SLCO2A1: variants seen among roughly 807,000 people sequenced by gnomAD.
The protein encoded by SLCO2A1 is solute carrier organic anion transporter family member 2A1, also known as matrin F/G 1.
SLCO2A1 carries 60 observed loss-of-function variants against 71.7 expected under a neutral mutation model. That is an observed-to-expected ratio of 0.84 (90% CI 0.68 to 1.04). The LOEUF (loss-of-function observed/expected upper bound fraction) is 1.04. SLCO2A1 is among the 50% of genes least tolerant of loss of function. The pLI, the probability that SLCO2A1 is intolerant of heterozygous loss-of-function variation, is 0.00. For synonymous variants in SLCO2A1, 308 were observed against 326.7 expected, an observed-to-expected ratio of 0.94 and a Z score of 0.62; for missense variants, 745 against 813.4, an observed-to-expected ratio of 0.92 and a Z score of 1.02.
At position 133,933,064 on chromosome 3, in the gene SLCO2A1, G is replaced by A. The variant is rs926271510; in HGVS notation, c.*1649C>T. The A allele has an allele frequency of 5.2e-5, 8 of 152,424 alleles. No homozygotes were observed. The highest frequency in any genetic ancestry group is 1.9e-4 in the African/African-American group (8 of 41,402). 9.4% of individuals were successfully genotyped at this position (152,424 alleles called of 1,614,324 possible). A position where few individuals can be genotyped will look rare whatever the true frequency, so the allele number is the denominator to read the frequency against. Reference sequence around the variant, plus strand: ...TTTGGACATTGACATAAATATTTTGGCATATCACCATATGAGGCTTTTCCA... The same window carrying A: ...TTTGGACATTGACATAAATATTTTGACATATCACCATATGAGGCTTTTCCA... On this transcript the variant is annotated 3_prime_UTR_variant, in exon 14 of 14. Coordinates refer to ENST00000310926, the MANE Select transcript of SLCO2A1 (RefSeq NM_005630.3).
chr3:133,961,843 C>A (rs934533369), intron 3 of SLCO2A1, among the ~76,000 whole-genome samples: 2 of 152,184 alleles, frequency 1.3e-5, no homozygotes, highest in African/African-American at 4.8e-5. Context: ...CATCCCAGAT[C>A]AAGTTCTGAC....
At position 133,951,265 on chromosome 3, in the gene SLCO2A1, C is replaced by A. The variant is rs1486379088; in HGVS notation, c.804G>T (p.Leu268Phe). 6.2e-7 allele frequency: 1 copy of A among 1,613,998 alleles called. No homozygotes were observed. Among genetic ancestry groups the A allele is most frequent in the African/African-American group, 1.3e-5 (1 of 74,934 alleles). Residue 268 changes from leucine to phenylalanine, a missense_variant, in exon 6 of 14, where the codon TTG becomes TTT. By Grantham distance (22) the Leu-to-Phe change is conservative. Transcript: ENST00000310926. Reference protein sequence around the residue: ...WLGLLISSALLVLTSFPFFFF... With the variant: ...WLGLLISSALFVLTSFPFFFF... Reference sequence around the variant, plus strand: ...AAAAAAAGGGGAAAGAGGTGAGAACCAATAAAGCTGAAGAAATGAGCAGGC... The same window carrying A: ...AAAAAAAGGGGAAAGAGGTGAGAACAAATAAAGCTGAAGAAATGAGCAGGC...
rs899783332 is a variant in SLCO2A1, at chr3:133,933,831, C to T, written c.*882G>A. 1.3e-5 allele frequency: 2 copies of T among 152,204 alleles called. No homozygotes were observed. The highest frequency in any genetic ancestry group is 2.4e-5 in the African/African-American group (1 of 41,452). The allele number at this position is 152,204 out of a possible 1,614,324, so 9.4% of individuals were successfully genotyped here. A position where few individuals can be genotyped will look rare whatever the true frequency, so the allele number is the denominator to read the frequency against. Reference sequence around the variant, plus strand: ...CCAGGGAGATGTGGGAGGTTCTTCCCATTACTCTGAGATGAGGGGGTCTCG... The same window carrying T: ...CCAGGGAGATGTGGGAGGTTCTTCCTATTACTCTGAGATGAGGGGGTCTCG... On this transcript the variant is annotated 3_prime_UTR_variant, in exon 14 of 14. Transcript: ENST00000310926.
At position 134,028,977 on chromosome 3, in the gene SLCO2A1, C is replaced by T. The variant is rs114183541; in HGVS notation, c.96+730G>A. On this transcript the variant is annotated intron_variant, in intron 1 of 13. Coordinates refer to ENST00000310926, the MANE Select transcript of SLCO2A1 (RefSeq NM_005630.3). ...ACACCCTATCTTCTCACCCGCTCCCCATAACTTGCCTGGTGAGTGGACCTG... is the reference window on the plus strand; with the variant it reads ...ACACCCTATCTTCTCACCCGCTCCCTATAACTTGCCTGGTGAGTGGACCTG... Among the ~76,000 whole-genome samples the T allele has an allele frequency of 3.5e-3, 376 of 107,372 alleles. 3 individuals are homozygous for T. The highest frequency in any genetic ancestry group is 0.013 in the African/African-American group (358 of 27,856). The allele number at this position is 107,372 out of a possible 152,430, so 70.4% of individuals were successfully genotyped here.
intron 1 of SLCO2A1, among the ~76,000 whole-genome samples, chr3:133,992,937 G>A (rs1934886104): frequency 6.6e-6 from 1 of 152,146 alleles, no homozygotes; most frequent in Non-Finnish European, 1.5e-5. Context: ...GTGCTGTCAT[G>A]AGTGTGGGTG....
intron 3 of SLCO2A1, among the ~76,000 whole-genome samples, chr3:133,967,830 C>T (rs1934219924): frequency 2.8e-5 from 3 of 107,522 alleles, no homozygotes; most frequent in Non-Finnish European, 6.2e-5. Flanking sequence ...CCTCCATACC[C>T]CCCACACATG....
chr3:133,947,823 G>A (rs1332728736), intron 8 of SLCO2A1, among the ~76,000 whole-genome samples: 1 of 152,176 alleles, frequency 6.6e-6, no homozygotes, highest in Admixed American at 6.5e-5. Context: ...GAAGGCCAGA[G>A]GGGTAAAGCC....
chr3:133,988,805 T>C (rs1014473489), intron 1 of SLCO2A1, among the ~76,000 whole-genome samples: 1 of 152,184 alleles, frequency 6.6e-6, no homozygotes, highest in African/African-American at 2.4e-5. Context: ...CCGAGCTGAC[T>C]GCATACCAGA....
At chr3:133,982,451 G>C (rs151151164) in intron 1 of SLCO2A1, among the ~76,000 whole-genome samples, 251 of 152,284 alleles carry the variant, frequency 1.6e-3, no homozygotes, top group African/African-American at 5.7e-3. Flanking sequence ...TCCACTGTCT[G>C]CTAGACGTAT....
intron 2 of SLCO2A1, 101 bp from the exon 3 acceptor site, chr3:133,973,926 A>T: frequency 2.2e-5 from 27 of 1,230,662 alleles, no homozygotes; most frequent in Non-Finnish European, 2.8e-5. Flanking sequence ...CTGGAAAGGG[A>T]GGGGGCTGCC....
At chr3:133,936,544 C>G (rs1933275049) in intron 12 of SLCO2A1, among the ~76,000 whole-genome samples, 1 of 152,164 alleles carries the variant, frequency 6.6e-6, no homozygotes, top group Admixed American at 6.5e-5. Context: ...CTATGCCTTC[C>G]TGGCTGTCTA....
chr3:133,972,137 G>T lies in SLCO2A1; in HGVS notation c.397+1526C>A, dbSNP rs79371695. ...AGCTGAAGACATCAATAACACAAAAGAAATCATAAGGAAACACCAAAAAAT... is the reference window on the plus strand; with the variant it reads ...AGCTGAAGACATCAATAACACAAAATAAATCATAAGGAAACACCAAAAAAT... On this transcript the variant is annotated intron_variant, in intron 3 of 13. Transcript: ENST00000310926. Among the ~76,000 whole-genome samples the T allele has an allele frequency of 2.8e-3, 430 of 152,160 alleles. 1 individual carries two copies. The highest frequency in any genetic ancestry group is 5.2e-3 in the Non-Finnish European group (356 of 68,004).
chr3:133,933,525 A>T lies in SLCO2A1; in HGVS notation c.*1188T>A, dbSNP rs1041719856. The T allele has an allele frequency of 1.3e-5, 2 of 152,216 alleles. No homozygotes were observed. The highest frequency in any genetic ancestry group is 2.9e-5 in the Non-Finnish European group (2 of 68,072). 9.4% of individuals were successfully genotyped at this position (152,216 alleles called of 1,614,324 possible). On this transcript the variant is annotated 3_prime_UTR_variant, in exon 14 of 14. Transcript: ENST00000310926. ...CCTTCGTTGGCTTCTGTCTCTCAAC[A>T]TCTATCACGTAGCAGCTGTGTCTCT...
In SLCO2A1 at chr3:133,955,041, T is replaced by C. The variant is rs748799621; in HGVS notation, c.550A>G (p.Thr184Ala). 2.3e-5 allele frequency: 37 copies of C among 1,613,972 alleles called. 1 individual carries two copies. In the South Asian group the frequency reaches 4.1e-4, roughly 18 times the overall value. The change falls in exon 4 of 14, where the codon ACA becomes GCA. Residue 184 changes from threonine (T) to alanine (A), a missense_variant. Coordinates refer to ENST00000310926, the MANE Select transcript of SLCO2A1 (RefSeq NM_005630.3). ...ATCCCAAATGGCTGAATAGGCACTG[T>C]CCCGATGCCAGCCAGCAGCTGGGCA... ...VVAQLLAGIG[T>A]VPIQPFGISY...
rs181716682 is a variant in SLCO2A1 at position 133,953,197 on chromosome 3, C to T, written c.724+466G>A. Among the ~76,000 whole-genome samples the T allele has an allele frequency of 7.8e-3, 1,185 of 152,164 alleles. 6 individuals are homozygous for T. Among genetic ancestry groups the T allele is most frequent in the Non-Finnish European group, 0.013 (877 of 68,000 alleles). ...GACTACAGGCATCTGCCACCACGCC[C>T]GGCTAATTTTTTTGTATTTTTAGTA... is the stretch of plus-strand genomic sequence containing the variant. On this transcript the variant is annotated intron_variant, in intron 5 of 13. Transcript: ENST00000310926.
chr3:133,980,365 G>A (rs1934560656), intron 1 of SLCO2A1, among the ~76,000 whole-genome samples: 2 of 151,862 alleles, frequency 1.3e-5, no homozygotes, highest in African/African-American at 4.8e-5. Context: ...TGGTCCTGGG[G>A]TACTGAGTAA....
chr3:134,028,859 G>A (rs1312280348), intron 1 of SLCO2A1, among the ~76,000 whole-genome samples: 1 of 152,222 alleles, frequency 6.6e-6, no homozygotes, highest in Non-Finnish European at 1.5e-5. Context: ...GCCCGAGTGC[G>A]GATTGAACCA....
intron 11 of SLCO2A1, among the ~76,000 whole-genome samples, chr3:133,942,004 T>C (rs4075873): frequency 0.16 from 24,267 of 152,098 alleles, 2,117 homozygotes; most frequent in African/African-American, 0.19. Context: ...TTAATTATTA[T>C]TATTTTTGAG....
chr3:133,956,623 A>G (rs1180398630), intron 3 of SLCO2A1, among the ~76,000 whole-genome samples: 1 of 152,056 alleles, frequency 6.6e-6, no homozygotes. Context: ...CCCTCTTCCC[A>G]CTCCATGTTC....
Sources: gnomAD v4.1 joint callset for allele counts (sites outside exome capture counted in the v4.1 genomes callset) on GRCh38, gnomAD v4.1.1 for gene constraint, MANE v1.5 for transcripts, NCBI Gene and HGNC (gene_info 2026-07-23, HGNC 2026-07-21) for gene names.